Variants in C14orf93 observed in about 807,000 individuals in gnomAD.
C14orf93 encodes chromosome 14 open reading frame 93.
In C14orf93, 23 loss-of-function variants were observed where a neutral mutation model predicts 44.0. The observed-to-expected ratio is 0.52, with a 90% CI of 0.38 to 0.74. C14orf93 has a LOEUF of 0.74. Ranked by LOEUF, C14orf93 falls within the 30% of genes least tolerant of loss-of-function variation. The probability of loss-of-function intolerance (pLI) is 0.00; values close to 1 mark genes in which losing one functional copy is unlikely to be tolerated. For missense variants in C14orf93, 579 were observed against 678.9 expected (o/e 0.85, Z 1.64); for synonymous variants, 253 against 265.7 (o/e 0.95, Z 0.46).
chr14:22,991,008 C>T (rs1178147483), intron 3 of C14orf93, among the ~76,000 whole-genome samples: 3 of 150,042 alleles, frequency 2.0e-5, no homozygotes, highest in African/African-American at 2.5e-5. Flanking sequence ...TTAGTAGAGA[C>T]GGGGTTTCAC....
In C14orf93 at chr14:22,989,852, C is replaced by T; in HGVS notation, c.981-7G>A. Reference sequence around the variant, plus strand: ...ATTCCAAGAGGACTTGATGCTGCCACAAAGAGAAGAGAATGAATAAAGTTG... The same window carrying T: ...ATTCCAAGAGGACTTGATGCTGCCATAAAGAGAAGAGAATGAATAAAGTTG... On this transcript the variant is annotated splice_region_variant and splice_polypyrimidine_tract_variant and intron_variant, in intron 4 of 6. Coordinates refer to ENST00000299088, the MANE Select transcript of C14orf93 (RefSeq NM_021944.4). The T allele has an allele frequency of 6.2e-7, 1 of 1,610,126 alleles. No individual in the cohort carries two copies. Among genetic ancestry groups the T allele is most frequent in the Non-Finnish European group, 8.5e-7 (1 of 1,176,578 alleles).
At chr14:23,004,003 A>C (rs2046496085) in intron 1 of C14orf93, among the ~76,000 whole-genome samples, 1 of 129,032 alleles carries the variant, frequency 7.8e-6, no homozygotes, top group Non-Finnish European at 1.6e-5. Flanking sequence ...TCCACCTCCC[A>C]GGTTCAAGCA....
chr14:22,990,148 C>A, intron 3 of C14orf93, 21 bp from the exon 4 acceptor site: 1 of 1,602,604 alleles, frequency 6.2e-7, no homozygotes. Context: ...AAAAAGAAAA[C>A]ACAATCAAGC....
At position 22,996,983 on chromosome 14, in the gene C14orf93, GCACACACACACACA is replaced by G. The variant is rs200829885; in HGVS notation, c.598-729_598-716del. 1.3e-4 allele frequency among the ~76,000 whole-genome samples: 8 copies of G among 62,534 alleles called. No homozygotes were observed. The highest frequency in any genetic ancestry group is 3.9e-4 in the African/African-American group (8 of 20,742). 41.0% of individuals were successfully genotyped at this position (62,534 alleles called of 152,430 possible). A position where few individuals can be genotyped will look rare whatever the true frequency, so the allele number is the denominator to read the frequency against. On this transcript the variant is annotated intron_variant, in intron 2 of 6. Coordinates refer to ENST00000299088, the MANE Select transcript of C14orf93 (RefSeq NM_021944.4). This position sits in a 1 kb window ranked among gnomAD's most constrained non-coding sequence, Gnocchi z 4.1. ...TGAAAGTGGGGACACACACGCACAC[GCACACACACACACA>G]CACACACACACACAGAAAGATGCGG...
At chr14:23,008,317 T>G (rs1226904706) in intron 1 of C14orf93, among the ~76,000 whole-genome samples, 1 of 152,112 alleles carries the variant, frequency 6.6e-6, no homozygotes, top group Non-Finnish European at 1.5e-5. Flanking sequence ...TGTTAGAGAA[T>G]AAAAATACAC....
chr14:23,008,418 G>A (rs2046742440), intron 1 of C14orf93, among the ~76,000 whole-genome samples: 1 of 152,130 alleles, frequency 6.6e-6, no homozygotes, highest in African/African-American at 2.4e-5. Flanking sequence ...GTATTTAGGA[G>A]TCAAATACTG....
intron 2 of C14orf93, 56 bp downstream of exon 2, chr14:22,998,371 G>A: frequency 6.9e-7 from 1 of 1,444,200 alleles, no homozygotes; most frequent in Non-Finnish European, 9.1e-7. Flanking sequence ...AAAGGAAAAA[G>A]AGTGAAAAGC....
intron 3 of C14orf93, among the ~76,000 whole-genome samples, chr14:22,994,372 G>A (rs1234903771): frequency 6.6e-6 from 1 of 152,002 alleles, no homozygotes; most frequent in East Asian, 1.9e-4. Context: ...TTAGCCAGGC[G>A]TGGTGGTGCA....
intron 1 of C14orf93, among the ~76,000 whole-genome samples, chr14:23,007,379 C>G (rs568297661): frequency 2.0e-5 from 3 of 152,200 alleles, no homozygotes; most frequent in Non-Finnish European, 4.4e-5. Context: ...TGCTTTTGTT[C>G]TCTGCTGCTC....
Position 22,989,858 on chromosome 14 carries a change from G to T in C14orf93, c.981-13C>A. On this transcript the variant is annotated splice_polypyrimidine_tract_variant and intron_variant, in intron 4 of 6. Transcript: ENST00000299088. ...AGAGGACTTGATGCTGCCACAAAGA[G>T]AAGAGAATGAATAAAGTTGTCGGCT... The T allele has an allele frequency of 6.2e-7, 1 of 1,604,928 alleles. No individual in the cohort carries two copies. The highest frequency in any genetic ancestry group is 1.1e-5 in the South Asian group (1 of 90,582).
chr14:22,997,046 C>A (rs2046024326), intron 2 of C14orf93, among the ~76,000 whole-genome samples: 1 of 151,974 alleles, frequency 6.6e-6, no homozygotes, highest in African/African-American at 2.4e-5. Flanking sequence ...GATTTATAGA[C>A]CTGTGAGCTG....
chr14:22,995,486 C>T (rs2045912270), intron 3 of C14orf93, among the ~76,000 whole-genome samples: 1 of 152,026 alleles, frequency 6.6e-6, no homozygotes, highest in Admixed American at 6.6e-5. Flanking sequence ...TCGAGACCAG[C>T]CTGACCAACA....
intron 1 of C14orf93, among the ~76,000 whole-genome samples, chr14:23,002,341 A>G (rs1371309021): frequency 1.3e-5 from 2 of 150,760 alleles, no homozygotes; most frequent in South Asian, 2.1e-4. Flanking sequence ...AATCCCAGCT[A>G]CTCAGGAGGC....
chr14:23,009,791 C>A (rs1174448789), intron 1 of C14orf93, among the ~76,000 whole-genome samples: 1 of 151,996 alleles, frequency 6.6e-6, no homozygotes, highest in Non-Finnish European at 1.5e-5. Flanking sequence ...TCCCAAGCGG[C>A]TAAATTTTTA....
rs1251770119 is a variant in C14orf93 at position 22,999,215 on chromosome 14, C to T, written c.-192G>A. The T allele has an allele frequency of 1.1e-5, 9 of 817,378 alleles. No individual in the cohort carries two copies. Among genetic ancestry groups the T allele is most frequent in the Admixed American group, 3.1e-5 (1 of 32,076 alleles). 50.6% of individuals were successfully genotyped at this position (817,378 alleles called of 1,614,324 possible). A position where few individuals can be genotyped will look rare whatever the true frequency, so the allele number is the denominator to read the frequency against. ...CACACAGTCCATGGCGGCCTCTCCTCGGCCTGCAGAAGGGAGACAGGTGCC... is the reference window on the plus strand; with the variant it reads ...CACACAGTCCATGGCGGCCTCTCCTTGGCCTGCAGAAGGGAGACAGGTGCC... On this transcript the variant is annotated 5_prime_UTR_variant, in exon 2 of 7. Transcript: ENST00000299088.
At chr14:23,005,684 T>C (rs1207446917) in intron 1 of C14orf93, 1 of 152,174 alleles carries the variant, frequency 6.6e-6, no homozygotes, top group African/African-American at 2.4e-5. Context: ...ATATAAGCAT[T>C]TGGGGTTCAT....
Position 22,987,388 on chromosome 14 carries a change from A to G in C14orf93, c.1444T>C (p.Ser482Pro). 1 of 1,614,230 alleles carries G rather than the reference A, an allele frequency of 6.2e-7. No individual in the cohort carries two copies. Among genetic ancestry groups the G allele is most frequent in the Non-Finnish European group, 8.5e-7 (1 of 1,180,044 alleles). ...VYGPPSDRLP[S>P]AEAQLLPPEL... Reference sequence around the variant, plus strand: ...GGTGGAAGGAGCTGGGCTTCAGCAGAAGGCAGTCTGTCTGAGGGAGGCCCA... The same window carrying G: ...GGTGGAAGGAGCTGGGCTTCAGCAGGAGGCAGTCTGTCTGAGGGAGGCCCA... Residue 482 changes from serine (S) to proline (P), a missense_variant, in exon 7 of 7, where the codon TCT (serine) becomes CCT (proline). Transcript: ENST00000299088. This position sits in a 1 kb window ranked among gnomAD's most constrained non-coding sequence, Gnocchi z 5.6.
chr14:22,992,465 C>CAA (rs58974559), intron 3 of C14orf93, among the ~76,000 whole-genome samples: 1,217 of 71,128 alleles, frequency 0.017, 28 homozygotes, highest in African/African-American at 0.046. Flanking sequence ...GACTCTGTTT[C>CAA]AAAAAAAAAA....
At chr14:23,007,449 G>A (rs1257832516) in intron 1 of C14orf93, among the ~76,000 whole-genome samples, 1 of 152,174 alleles carries the variant, frequency 6.6e-6, no homozygotes, top group Non-Finnish European at 1.5e-5. Context: ...CACACGTTGG[G>A]TGGTGGCCGA....
Sources: gnomAD v4.1 joint callset for allele counts (sites outside exome capture counted in the v4.1 genomes callset) on GRCh38, gnomAD v4.1.1 for gene constraint, Gnocchi (gnomAD v3.1) non-coding constraint, MANE v1.5 for transcripts, NCBI Gene and HGNC (gene_info 2026-07-23, HGNC 2026-07-21) for gene names.